Variants in PPIA observed in about 807,000 individuals in gnomAD.
PPIA encodes peptidylprolyl isomerase A, also known as peptidyl-prolyl cis-trans isomerase A.
In PPIA, 2 loss-of-function variants were observed where a neutral mutation model predicts 15.3. The ratio of observed to expected loss-of-function variants is 0.13; its 90% CI spans 0.05 to 0.41. PPIA has a LOEUF of 0.41. Among genes scored for constraint, PPIA ranks in the 10% least tolerant of loss-of-function variants. The probability of loss-of-function intolerance (pLI) is 0.99; values close to 1 mark genes in which losing one functional copy is unlikely to be tolerated. For synonymous variants in PPIA, 67 were observed against 73.1 expected, an observed-to-expected ratio of 0.92 and a Z score of 0.43; for missense variants, 103 against 210.3, an observed-to-expected ratio of 0.49 and a Z score of 3.16.
rs1792594033 is a variant in PPIA at position 44,802,315 on chromosome 7, A to T, written c.*893A>T. ...GGGCGTGTGCCACCATGCCCAGCTA[A>T]TTTTTGTATTTTTAGTATAGATGGG... On this transcript the variant is annotated 3_prime_UTR_variant, in exon 5 of 5. Coordinates refer to ENST00000468812, the MANE Select transcript of PPIA (RefSeq NM_021130.5). 1 of 151,770 alleles carries T rather than the reference A, an allele frequency of 6.6e-6. No individual in the cohort carries two copies. The highest frequency in any genetic ancestry group is 1.5e-5 in the Non-Finnish European group (1 of 67,990). 9.4% of individuals were successfully genotyped at this position (151,770 alleles called of 1,614,324 possible). A position where few individuals can be genotyped will look rare whatever the true frequency, so the allele number is the denominator to read the frequency against.
intron 4 of PPIA, 148 bp downstream of exon 4, chr7:44,800,022 A>T: frequency 2.6e-6 from 2 of 776,302 alleles, no homozygotes. Flanking sequence ...ATAAACGACA[A>T]ATATAGCCAA....
chr7:44,801,265 G>A (rs10249442), intron 4 of PPIA, 22 bp from the exon 5 acceptor site: 1,231,564 of 1,610,610 alleles, frequency 0.76, 490,800 homozygotes, highest in Non-Finnish European at 0.83. Flanking sequence ...GCCAGTCATA[G>A]TGATTGTTCT....
chr7:44,796,815 G>A (rs367908354), intron 1 of PPIA, 22 bp downstream of exon 1: 11 of 1,598,076 alleles, frequency 6.9e-6, no homozygotes, highest in Admixed American at 3.4e-5. Flanking sequence ...GGCGGCGTGC[G>A]GGAATGGGGC....
At chr7:44,797,648 G>C (rs1792419857) in intron 1 of PPIA, among the ~76,000 whole-genome samples, 1 of 152,208 alleles carries the variant, frequency 6.6e-6, no homozygotes, top group African/African-American at 2.4e-5. Context: ...TACCTAATTA[G>C]TTTTGAGAGC....
chr7:44,799,666 G>GTCA, intron 3 of PPIA, 36 bp from the exon 4 acceptor site: 1 of 1,612,692 alleles, frequency 6.2e-7, no homozygotes, highest in Non-Finnish European at 8.5e-7. Flanking sequence ...TCATGGTTAT[G>GTCA]TTGTCAGAAG....
rs1487837757 is a variant in PPIA at position 44,797,771 on chromosome 7, C to A, written c.69+978C>A. ...TCCGTTCCAGTTAACATGGATAGAC[C>A]TTAGGGAGTAGCGAAATAGGATGTT... On this transcript the variant is annotated intron_variant, in intron 1 of 4. Transcript: ENST00000468812. Among the ~76,000 whole-genome samples the A allele has an allele frequency of 2.0e-5, 3 of 152,240 alleles. No individual in the cohort carries two copies. The South Asian group carries it at 6.2e-4, about 32-fold the overall frequency.
intron 1 of PPIA, chr7:44,798,133 T>C (rs1370557955): frequency 6.6e-6 from 1 of 152,156 alleles, no homozygotes; most frequent in Non-Finnish European, 1.5e-5. Flanking sequence ...TAACTGCCAA[T>C]GAGGGCTTTG....
rs1220260995 is a variant in PPIA at position 44,802,987 on chromosome 7, C to T, written c.*1565C>T. The T allele has an allele frequency of 6.6e-6, 1 of 152,182 alleles. No individual in the cohort carries two copies. Among genetic ancestry groups the T allele is most frequent in the African/African-American group, 2.4e-5 (1 of 41,428 alleles). The allele number at this position is 152,182 out of a possible 1,614,324, so 9.4% of individuals were successfully genotyped here. ...CCTTCTGCGTGAATTACCACCACCACCACTTGTGCATCTCAGTCTTGTGTG... is the reference window on the plus strand; with the variant it reads ...CCTTCTGCGTGAATTACCACCACCATCACTTGTGCATCTCAGTCTTGTGTG... On this transcript the variant is annotated 3_prime_UTR_variant, in exon 5 of 5. Transcript: ENST00000468812.
intron 4 of PPIA, chr7:44,800,304 G>C (rs1792507516): frequency 5.6e-6 from 1 of 178,466 alleles, no homozygotes; most frequent in African/African-American, 2.4e-5. Context: ...GGCCAAGCTG[G>C]TCTTGAACTC....
At chr7:44,798,861 C>CTTG (rs1792460701) in intron 1 of PPIA, 1 of 1,016,730 alleles carries the variant, frequency 9.8e-7, no homozygotes, top group South Asian at 4.2e-5. Context: ...GCTGTTTACC[C>CTTG]CTGATCGTGC....
Position 44,802,833 on chromosome 7 carries a change from G to C in PPIA, c.*1411G>C, listed in dbSNP as rs888349701. The C allele has an allele frequency of 6.6e-6, 1 of 151,958 alleles. No homozygotes were observed. The highest frequency in any genetic ancestry group is 1.5e-5 in the Non-Finnish European group (1 of 67,922). The allele number at this position is 151,958 out of a possible 1,614,324, so 9.4% of individuals were successfully genotyped here. Reference sequence around the variant, plus strand: ...TAGATGTCAGGACAATCTAAGCTGAGAAAACCCCTTCTCTGCCCACCTTAA... The same window carrying C: ...TAGATGTCAGGACAATCTAAGCTGACAAAACCCCTTCTCTGCCCACCTTAA... On this transcript the variant is annotated 3_prime_UTR_variant, in exon 5 of 5. Coordinates refer to ENST00000468812, the MANE Select transcript of PPIA (RefSeq NM_021130.5).
At position 44,799,641 on chromosome 7, in the gene PPIA, C is replaced by T. The variant is rs140986835; in HGVS notation, c.190-61C>T. On this transcript the variant is annotated intron_variant, in intron 3 of 4. Coordinates refer to ENST00000468812, the MANE Select transcript of PPIA (RefSeq NM_021130.5). The stretch of plus-strand genomic sequence containing the variant: ...ACTTGGGTTTAAAGTTTGAACCTTG[C>T]AGATTTGGCACACTTCATGGTTATG... 4.3e-3 allele frequency: 6,820 copies of T among 1,604,188 alleles called. 23 individuals are homozygous for T. The highest frequency in any genetic ancestry group is 5.1e-3 in the Non-Finnish European group (5,924 of 1,171,452).
At position 44,802,117 on chromosome 7, in the gene PPIA, G is replaced by A. The variant is rs1792585475; in HGVS notation, c.*695G>A. ...TTGGGTCAGTCTGCAGTGAGTTCATGCATTTAGAGGTGTTCTTCAAGATGA... is the reference window on the plus strand; with the variant it reads ...TTGGGTCAGTCTGCAGTGAGTTCATACATTTAGAGGTGTTCTTCAAGATGA... On this transcript the variant is annotated 3_prime_UTR_variant, in exon 5 of 5. Coordinates refer to ENST00000468812, the MANE Select transcript of PPIA (RefSeq NM_021130.5). 1 of 151,318 alleles carries A rather than the reference G, an allele frequency of 6.6e-6. No homozygotes were observed. Among genetic ancestry groups the A allele is most frequent in the Non-Finnish European group, 1.5e-5 (1 of 67,950 alleles). The allele number at this position is 151,318 out of a possible 1,614,324, so 9.4% of individuals were successfully genotyped here.
At chr7:44,796,847 G>A in intron 1 of PPIA, 54 bp downstream of exon 1, 1 of 1,555,528 alleles carries the variant, frequency 6.4e-7, no homozygotes, top group Non-Finnish European at 8.7e-7. Context: ...GCCGGGGTCG[G>A]GGTGGGTGGT....
Position 44,801,277 on chromosome 7 carries a change from C to T in PPIA, c.363-10C>T. Reference sequence around the variant, plus strand: ...GTTGCCAGTCATAGTGATTGTTCTTCCTTTTCAAGGTTGGATGGCAAGCAT... The same window carrying T: ...GTTGCCAGTCATAGTGATTGTTCTTTCTTTTCAAGGTTGGATGGCAAGCAT... On this transcript the variant is annotated splice_polypyrimidine_tract_variant and intron_variant, in intron 4 of 4. Coordinates refer to ENST00000468812, the MANE Select transcript of PPIA (RefSeq NM_021130.5). The T allele has an allele frequency of 1.9e-6, 3 of 1,611,396 alleles. No individual in the cohort carries two copies. The highest frequency in any genetic ancestry group is 1.1e-5 in the South Asian group (1 of 91,016).
intron 4 of PPIA, among the ~76,000 whole-genome samples, chr7:44,800,972 C>T: frequency 1.3e-5 from 2 of 152,080 alleles, no homozygotes; most frequent in African/African-American, 4.8e-5. Context: ...CACACGCCAC[C>T]ATGCCCGGCT....
intron 1 of PPIA, 27 bp from the exon 2 acceptor site, chr7:44,799,214 CAGATGT>C: frequency 6.2e-7 from 1 of 1,608,786 alleles, no homozygotes; most frequent in South Asian, 1.1e-5. Flanking sequence ...ACAAAATAAG[CAGATGT>C]TAATTAACTG....
At chr7:44,799,557 A>G in intron 3 of PPIA, 77 bp downstream of exon 3, 2 of 1,567,504 alleles carry the variant, frequency 1.3e-6, no homozygotes, top group Non-Finnish European at 1.7e-6. Context: ...TTCAGGATAC[A>G]CATATCTGAA....
chr7:44,800,413 T>TTC (rs60958673), intron 4 of PPIA: 11 of 137,434 alleles, frequency 8.0e-5, no homozygotes, highest in African/African-American at 2.7e-4. Context: ...TTTTTTTTTT[T>TTC]CTTTTCTCAG....
Sources: allele counts gnomAD v4.1 joint callset (sites outside exome capture counted in the v4.1 genomes callset), GRCh38; gene constraint gnomAD v4.1.1; transcripts MANE v1.5; gene names NCBI Gene and HGNC (gene_info 2026-07-23, HGNC 2026-07-21).